Variants in CDH22 observed in about 807,000 individuals in gnomAD.
The protein encoded by CDH22 is cadherin-22.
In CDH22, 30 loss-of-function variants were observed where a neutral mutation model predicts 58.4. The ratio of observed to expected loss-of-function variants is 0.51; its 90% CI spans 0.38 to 0.70. The LOEUF (loss-of-function observed/expected upper bound fraction) is 0.70, where lower values mean the gene tolerates loss of function less well. Ranked by LOEUF, CDH22 falls within the 30% of genes least tolerant of loss-of-function variation. The pLI is 0.00. For synonymous variants in CDH22, 513 were observed against 558.2 expected (o/e 0.92, Z 1.14); for missense variants, 1,014 against 1,233.9 (o/e 0.82, Z 2.67).
At chr20:46,206,896 G>A (rs1408710477) in intron 7 of CDH22, among the ~76,000 whole-genome samples, 2 of 152,166 alleles carry the variant, frequency 1.3e-5, no homozygotes, top group African/African-American at 4.8e-5. Context: ...CCCTGAGAAC[G>A]CAGGTGCTGC....
Position 46,174,693 on chromosome 20 carries a change from T to G in CDH22, c.2300A>C (p.Tyr767Ser). Residue 767 changes from tyrosine to serine, a missense_variant, in exon 12 of 12, where the codon TAC becomes TCC. Transcript: ENST00000537909. The surrounding 1 kb of genome is among the most constrained non-coding windows in gnomAD (Gnocchi z 4.4). ...LADGDLSVPP[Y>S]DAFQTYAFEG... is the part of the protein sequence containing the mutation. ...GAAGGCGTAGGTCTGGAAGGCGTCGTAGGGCGGCACCGACAGGTCCCCGTC... is the reference window on the plus strand; with the variant it reads ...GAAGGCGTAGGTCTGGAAGGCGTCGGAGGGCGGCACCGACAGGTCCCCGTC... 6.4e-7 allele frequency: 1 copy of G among 1,559,016 alleles called. No homozygotes were observed. The highest frequency in any genetic ancestry group is 1.3e-5 in the African/African-American group (1 of 74,226).
At chr20:46,224,962 G>C (rs1313916199) in intron 4 of CDH22, among the ~76,000 whole-genome samples, 2 of 152,222 alleles carry the variant, frequency 1.3e-5, no homozygotes, top group African/African-American at 4.8e-5. Context: ...CTGGGCTCCA[G>C]GGCCTCCCTG....
At chr20:46,229,542 A>T (rs538057944) in intron 3 of CDH22, among the ~76,000 whole-genome samples, 2 of 152,182 alleles carry the variant, frequency 1.3e-5, no homozygotes, top group Non-Finnish European at 2.9e-5. Flanking sequence ...TTTGTGCTTC[A>T]ATCTCCCCAT....
At position 46,186,925 on chromosome 20, in the gene CDH22, C is replaced by A; in HGVS notation, c.1446G>T (p.Arg482=). 1 of 1,605,830 alleles carries A rather than the reference C, an allele frequency of 6.2e-7. No homozygotes were observed. Among genetic ancestry groups the A allele is most frequent in the Middle Eastern group, 1.7e-4 (1 of 6,012 alleles). Residue 482 remains arginine (R), a synonymous_variant, in exon 9 of 12, where the codon CGG becomes CGT. Coordinates refer to ENST00000537909, the MANE Select transcript of CDH22 (RefSeq NM_021248.3). ...CCAGGATTCGGATCCTTAGGGATGC[C>A]CGGGATAGCTGTGCATGATTGTCTG... is the stretch of plus-strand genomic sequence containing the variant. ...MEADNHAQLS[R]ASLRIRILDV...
intron 1 of CDH22, among the ~76,000 whole-genome samples, chr20:46,296,724 A>G (rs1299598451): frequency 6.6e-6 from 1 of 152,124 alleles, no homozygotes; most frequent in Non-Finnish European, 1.5e-5. Context: ...CTGACAGGCA[A>G]GGCCACAGGG....
At chr20:46,197,228 A>G (rs1448994053) in intron 8 of CDH22, among the ~76,000 whole-genome samples, 3 of 152,060 alleles carry the variant, frequency 2.0e-5, no homozygotes, top group Admixed American at 6.6e-5. Context: ...CCCATCAGGA[A>G]AATGGGTGCT....
chr20:46,287,327 G>C (rs1600727479), intron 1 of CDH22, among the ~76,000 whole-genome samples: 1 of 152,190 alleles, frequency 6.6e-6, no homozygotes, highest in South Asian at 2.1e-4. Context: ...AGTGTTAGCT[G>C]TTATTATCAT....
chr20:46,217,513 AAC>A (rs1265976657), intron 4 of CDH22, among the ~76,000 whole-genome samples: 1 of 152,074 alleles, frequency 6.6e-6, no homozygotes. Context: ...TACACTCACA[AAC>A]ACACACTCAT....
intron 1 of CDH22, among the ~76,000 whole-genome samples, chr20:46,274,046 C>T (rs1287483785): frequency 4.6e-5 from 7 of 152,338 alleles, no homozygotes; most frequent in South Asian, 4.1e-4. Flanking sequence ...TAGTTTAAAA[C>T]GCTTTCTCCT....
intron 6 of CDH22, among the ~76,000 whole-genome samples, chr20:46,212,410 G>A (rs2086049894): frequency 6.6e-6 from 1 of 152,168 alleles, no homozygotes; most frequent in Non-Finnish European, 1.5e-5. Context: ...AATCCTGGAA[G>A]ATGGATTTTT....
chr20:46,262,919 G>A (rs1473625006), intron 1 of CDH22, among the ~76,000 whole-genome samples: 1 of 152,100 alleles, frequency 6.6e-6, no homozygotes, highest in East Asian at 1.9e-4. Flanking sequence ...TGCCAACAAT[G>A]CCCTTCTCCC....
chr20:46,274,283 G>T (rs887324676), intron 1 of CDH22, among the ~76,000 whole-genome samples: 1 of 152,022 alleles, frequency 6.6e-6, no homozygotes, highest in Non-Finnish European at 1.5e-5. Context: ...TTCTGGGGCT[G>T]GGAAGGCTGG....
Position 46,178,045 on chromosome 20 carries a change from C to T in CDH22, c.1816G>A (p.Gly606Ser), listed in dbSNP as rs780896495. ...GTGGTGTTGCAGGACTGGATGGTGC[C>T]GGAGCTGTCGCAGCCACAGATGCGG... is the stretch of plus-strand genomic sequence containing the variant. ...TIRICGCDSSGTIQSCNTTAF... is the reference protein window; with the variant it reads ...TIRICGCDSSSTIQSCNTTAF... The change falls in exon 11 of 12, where the codon GGC becomes AGC. Residue 606 changes from glycine to serine, a missense_variant. By Grantham distance (56) the Gly-to-Ser change is moderately conservative. This residue lies in a region of CDH22 where 806 missense variants were observed against 1,038.7 expected (regional missense o/e 0.78). Coordinates refer to ENST00000537909, the MANE Select transcript of CDH22 (RefSeq NM_021248.3). The T allele has an allele frequency of 1.2e-5, 20 of 1,613,644 alleles. No homozygotes were observed. The highest frequency in any genetic ancestry group is 2.2e-5 in the East Asian group (1 of 44,888).
chr20:46,265,175 A>G (rs1451903399), intron 1 of CDH22, among the ~76,000 whole-genome samples: 1 of 152,136 alleles, frequency 6.6e-6, no homozygotes, highest in African/African-American at 2.4e-5. Context: ...ATTGAATACC[A>G]TCCTGGCCGT....
intron 8 of CDH22, among the ~76,000 whole-genome samples, chr20:46,190,803 G>T (rs1191178890): frequency 6.6e-6 from 1 of 152,154 alleles, no homozygotes; most frequent in Non-Finnish European, 1.5e-5. Context: ...AATCCGGGGG[G>T]GTGGCAGGTG....
At position 46,175,052 on chromosome 20, in the gene CDH22, G is replaced by A. The variant is rs1337426291; in HGVS notation, c.1941C>T (p.Leu647=). The part of the protein sequence containing the change: ...LVVLVLLILT[L]RRHHKSHLSS... ...TCAGGTGGCTCTTGTGGTGGCGCCT[G>A]AGGGTGAGGATCAGCAGCACCAGCA... Residue 647 remains leucine (L), a synonymous_variant, in exon 12 of 12, where the codon CTC becomes CTT. Transcript: ENST00000537909. 1 of 1,609,032 alleles carries A rather than the reference G, an allele frequency of 6.2e-7. No homozygotes were observed. The highest frequency in any genetic ancestry group is 8.5e-7 in the Non-Finnish European group (1 of 1,179,176).
rs11469863 is a variant in CDH22, at chr20:46,223,713, CTTT to C, written c.670+3792_670+3794del. ...TCTTTCTTTCTTTCTTTCTTTCTTT[CTTT>C]TTCTTTCTTTCTCTTTCTTTCTTTC... On this transcript the variant is annotated intron_variant, in intron 4 of 11. Coordinates refer to ENST00000537909, the MANE Select transcript of CDH22 (RefSeq NM_021248.3). 2.6e-3 allele frequency among the ~76,000 whole-genome samples: 143 copies of C among 54,560 alleles called. 4 individuals are homozygous for C. Among genetic ancestry groups the C allele is most frequent in the African/African-American group, 0.014 (138 of 10,124 alleles). 35.8% of individuals were successfully genotyped at this position (54,560 alleles called of 152,430 possible).
rs2085726609 is a variant in CDH22 at position 46,174,881 on chromosome 20, G to A, written c.2112C>T (p.Gly704=). The change falls in exon 12 of 12, where the codon GGC becomes GGT. Residue 704 remains glycine, a synonymous_variant. Transcript: ENST00000537909. The surrounding 1 kb of genome is among the most constrained non-coding windows in gnomAD (Gnocchi z 4.4). ...CCCCGCCCGCTCCCCCGCCCGCGCT[G>A]CCGCCCCCGTCGCCGCCCTTGAGCT... The part of the protein sequence containing the change: ...FGELKGGDGG[G]SAGGGAGGGS... The A allele has an allele frequency of 2.2e-6, 3 of 1,363,366 alleles. No individual in the cohort carries two copies. Among genetic ancestry groups the A allele is most frequent in the Non-Finnish European group, 1.9e-6 (2 of 1,051,922 alleles). 84.5% of individuals were successfully genotyped at this position (1,363,366 alleles called of 1,614,324 possible).
At chr20:46,254,232 TG>T (rs2086395379) in intron 1 of CDH22, among the ~76,000 whole-genome samples, 1 of 152,180 alleles carries the variant, frequency 6.6e-6, no homozygotes, top group African/African-American at 2.4e-5. Context: ...CCAGTCCATG[TG>T]CTGGGCACTG....
Sources: allele counts gnomAD v4.1 joint callset (sites outside exome capture counted in the v4.1 genomes callset), GRCh38; gene constraint gnomAD v4.1.1; regional missense constraint gnomAD v4.1.1; non-coding constraint Gnocchi (gnomAD v3.1); transcripts MANE v1.5; gene names NCBI Gene and HGNC (gene_info 2026-07-23, HGNC 2026-07-21).